SLC27A2: variants seen among roughly 807,000 people sequenced by gnomAD.
The protein encoded by SLC27A2 is long-chain fatty acid transport protein 2.
In SLC27A2, 54 loss-of-function variants were observed where a neutral mutation model predicts 60.0. The observed-to-expected ratio is 0.90, with a 90% CI of 0.72 to 1.13. The LOEUF (loss-of-function observed/expected upper bound fraction) is 1.13. SLC27A2 is among the 50% of genes most tolerant of loss of function. The pLI is 0.00. For missense variants in SLC27A2, 739 were observed against 777.6 expected (o/e 0.95, Z 0.59); for synonymous variants, 297 against 297.6 (o/e 1.00, Z 0.02).
chr15:50,208,507 A>C (rs2045130677), intron 4 of SLC27A2, among the ~76,000 whole-genome samples: 1 of 152,180 alleles, frequency 6.6e-6, no homozygotes, highest in African/African-American at 2.4e-5. Context: ...GATATATATA[A>C]ACCACATAGT....
chr15:50,235,860 C>T (rs944968328), intron 9 of SLC27A2, 60 bp from the exon 10 acceptor site: 3 of 1,403,228 alleles, frequency 2.1e-6, no homozygotes, highest in African/African-American at 2.8e-5. Flanking sequence ...CTACCCCTTG[C>T]TCTGCATCCT....
rs889381521 is a variant in SLC27A2 at position 50,206,364 on chromosome 15, G to A, written c.972+1001G>A. 2.6e-5 allele frequency among the ~76,000 whole-genome samples: 4 copies of A among 152,280 alleles called. No homozygotes were observed. The South Asian group carries it at 8.3e-4, about 32-fold the overall frequency. On this transcript the variant is annotated intron_variant, in intron 4 of 9. Transcript: ENST00000267842. ...TTCTAATCCCTTTCACCAGATTCTAGTTCCTTTATTCAGTCAGTTTAAACT... is the reference window on the plus strand; with the variant it reads ...TTCTAATCCCTTTCACCAGATTCTAATTCCTTTATTCAGTCAGTTTAAACT...
intron 9 of SLC27A2, among the ~76,000 whole-genome samples, chr15:50,234,429 T>C (rs548645283): frequency 5.9e-4 from 89 of 151,754 alleles, no homozygotes; most frequent in African/African-American, 2.0e-3. Context: ...CTCTACTAAA[T>C]AGACAAAATT....
chr15:50,222,370 C>T (rs1278706821), intron 4 of SLC27A2, among the ~76,000 whole-genome samples: 1 of 152,170 alleles, frequency 6.6e-6, no homozygotes, highest in East Asian at 1.9e-4. Context: ...CTGCAGTTCC[C>T]ACAGGATCCA....
At chr15:50,217,784 G>A (rs1266512931) in intron 4 of SLC27A2, among the ~76,000 whole-genome samples, 4 of 152,086 alleles carry the variant, frequency 2.6e-5, no homozygotes, top group African/African-American at 4.8e-5. Flanking sequence ...GGCCAGGCAC[G>A]GTGGCTCACG....
chr15:50,209,984 G>T (rs1196297220), intron 4 of SLC27A2, among the ~76,000 whole-genome samples: 1 of 152,188 alleles, frequency 6.6e-6, no homozygotes, highest in African/African-American at 2.4e-5. Context: ...AACTTAAGAG[G>T]CAAGTCCCAA....
At chr15:50,234,133 G>A (rs1325070412) in intron 9 of SLC27A2, 135 bp downstream of exon 9, 2 of 862,764 alleles carry the variant, frequency 2.3e-6, no homozygotes, top group South Asian at 1.9e-5. Context: ...TCAGAAAAGT[G>A]TCATAGACCA....
In SLC27A2 at chr15:50,197,545, A is replaced by G; in HGVS notation, c.524A>G (p.Asp175Gly). Residue 175 changes from aspartate to glycine, a missense_variant, in exon 2 of 10, where the codon GAT (aspartate) becomes GGT (glycine). Transcript: ENST00000267842. ...VEEILPSLKK[D>G]DVSIYYVSRT... ...GAGATACTGCCAAGCCTTAAAAAAG[A>G]TGATGTGTCCATCTATTATGTGAGC... The G allele has an allele frequency of 6.2e-7, 1 of 1,614,138 alleles. No individual in the cohort carries two copies. Among genetic ancestry groups the G allele is most frequent in the Middle Eastern group, 1.7e-4 (1 of 6,060 alleles).
chr15:50,233,984 T>C lies in SLC27A2; in HGVS notation c.1672T>C (p.Phe558Leu), dbSNP rs2045332787. ...CCTACCTAGTTATGCAAGGCCCCGG[T>C]TTCTAAGAATACAGGTGAGATCTCT... Reference protein sequence around the residue: ...DYLPSYARPRFLRIQDTIEIT... With the variant: ...DYLPSYARPRLLRIQDTIEIT... The change falls in exon 9 of 10, where the codon TTT (phenylalanine) becomes CTT (leucine). Residue 558 changes from phenylalanine to leucine, a missense_variant. By Grantham distance (22) the Phe-to-Leu change is conservative (BLOSUM62 0). Coordinates refer to ENST00000267842, the MANE Select transcript of SLC27A2 (RefSeq NM_003645.4). 3.1e-6 allele frequency: 5 copies of C among 1,611,828 alleles called. No individual in the cohort carries two copies. The highest frequency in any genetic ancestry group is 1.7e-5 in the Admixed American group (1 of 59,482).
At chr15:50,209,686 A>C (rs1157119062) in intron 4 of SLC27A2, among the ~76,000 whole-genome samples, 2 of 152,182 alleles carry the variant, frequency 1.3e-5, no homozygotes, top group East Asian at 3.8e-4. Flanking sequence ...CTACGATGTG[A>C]GAATACACAG....
At position 50,182,840 on chromosome 15, in the gene SLC27A2, T is replaced by G. The variant is rs768316624; in HGVS notation, c.413T>G (p.Ile138Ser). 3.7e-6 allele frequency: 6 copies of G among 1,613,318 alleles called. 1 individual carries two copies. The South Asian group carries it at 6.6e-5, about 18-fold the overall frequency. The change falls in exon 1 of 10, where the codon ATC (isoleucine) becomes AGC (serine). Residue 138 changes from isoleucine to serine, a missense_variant. Ile to Ser is a moderately radical substitution (Grantham distance 142, BLOSUM62 -2). Coordinates refer to ENST00000267842, the MANE Select transcript of SLC27A2 (RefSeq NM_003645.4). Reference protein sequence around the residue: ...GCAMACLNYNIRAKSLLHCFQ... With the variant: ...GCAMACLNYNSRAKSLLHCFQ... ...GCCATGGCGTGCCTCAATTACAACA[T>G]CCGCGCGAAGTCCCTGCTGCACTGC...
chr15:50,218,276 T>C (rs1468775265), intron 4 of SLC27A2, among the ~76,000 whole-genome samples: 2 of 151,828 alleles, frequency 1.3e-5, no homozygotes, highest in Non-Finnish European at 2.9e-5. Flanking sequence ...TTACAGAAAG[T>C]TAAAAAGATA....
In SLC27A2 at chr15:50,236,258, A is replaced by G. The variant is rs1485403670; in HGVS notation, c.*162A>G. 1.2e-5 allele frequency: 6 copies of G among 507,644 alleles called. No homozygotes were observed. In the Admixed American group the frequency reaches 1.9e-4, roughly 16 times the overall value. 31.4% of individuals were successfully genotyped at this position (507,644 alleles called of 1,614,324 possible). A position where few individuals can be genotyped will look rare whatever the true frequency, so the allele number is the denominator to read the frequency against. On this transcript the variant is annotated 3_prime_UTR_variant, in exon 10 of 10. Coordinates refer to ENST00000267842, the MANE Select transcript of SLC27A2 (RefSeq NM_003645.4). The stretch of plus-strand genomic sequence containing the variant: ...TTTAAATAACAGTTGAGTCTTTGCA[A>G]GTAAAAAGATTTAGAGATTATTATT...
At position 50,197,724 on chromosome 15, in the gene SLC27A2, G is replaced by C. The variant is rs199686561; in HGVS notation, c.688+15G>C. On this transcript the variant is annotated intron_variant, in intron 2 of 9. Transcript: ENST00000267842. ...TGGAACCACAGGTAAAAATAAAGGGGGGATTCTCCAAAAAAATTAATCTGA... is the reference window on the plus strand; with the variant it reads ...TGGAACCACAGGTAAAAATAAAGGGCGGATTCTCCAAAAAAATTAATCTGA... The C allele has an allele frequency of 5.2e-4, 827 of 1,585,506 alleles. 4 individuals are homozygous for C. In the African/African-American group the frequency reaches 9.7e-3, roughly 19 times the overall value.
At chr15:50,226,577 C>G (rs989266680) in intron 6 of SLC27A2, among the ~76,000 whole-genome samples, 2 of 152,032 alleles carry the variant, frequency 1.3e-5, no homozygotes. Flanking sequence ...ACTGAAAATA[C>G]AAAAATTAGC....
chr15:50,189,034 C>G lies in SLC27A2; in HGVS notation c.478+6129C>G, dbSNP rs1333164639. On this transcript the variant is annotated intron_variant, in intron 1 of 9. Transcript: ENST00000267842. Reference sequence around the variant, plus strand: ...AGATAGATAGATAGATAGATGCATACAAACATACATACATACATACATACA... The same window carrying G: ...AGATAGATAGATAGATAGATGCATAGAAACATACATACATACATACATACA... Among the ~76,000 whole-genome samples, 864 of 151,024 alleles carry G rather than the reference C, an allele frequency of 5.7e-3. 10 individuals are homozygous for G. The highest frequency in any genetic ancestry group is 0.02 in the African/African-American group (809 of 40,884).
chr15:50,195,871 CTG>C (rs1331453513), intron 1 of SLC27A2, among the ~76,000 whole-genome samples: 1 of 149,678 alleles, frequency 6.7e-6, no homozygotes, highest in African/African-American at 2.5e-5. Flanking sequence ...CTGGCTAACA[CTG>C]TGAAACCCCG....
At chr15:50,216,610 G>GTGTGTGTGTGTGTGTGTATA (rs1323910367) in intron 4 of SLC27A2, among the ~76,000 whole-genome samples, 49 of 66,440 alleles carry the variant, frequency 7.4e-4, no homozygotes, top group Non-Finnish European at 1.3e-3. Flanking sequence ...GTGTGTGTGT[G>GTGTGTGTGTGTGTGTGTATA]TATATATATA....
At chr15:50,201,107 C>G (rs2045060308) in intron 2 of SLC27A2, among the ~76,000 whole-genome samples, 1 of 152,106 alleles carries the variant, frequency 6.6e-6, no homozygotes, top group Non-Finnish European at 1.5e-5. Flanking sequence ...TCATCCCACC[C>G]AAGTAGCTAG....
Sources: allele counts gnomAD v4.1 joint callset (sites outside exome capture counted in the v4.1 genomes callset), GRCh38; gene constraint gnomAD v4.1.1; transcripts MANE v1.5; gene names NCBI Gene and HGNC (gene_info 2026-07-23, HGNC 2026-07-21).